CBX7: variants seen among roughly 807,000 people sequenced by gnomAD.
CBX7 encodes the protein chromobox protein homolog 7.
CBX7 carries 14 observed loss-of-function variants against 31.4 expected under a neutral mutation model. The observed-to-expected ratio is 0.45, with a 90% CI of 0.29 to 0.70. The LOEUF (loss-of-function observed/expected upper bound fraction) is 0.70. Ranked by LOEUF, CBX7 falls within the 30% of genes least tolerant of loss-of-function variation. CBX7 has a pLI of 0.11. For missense variants in CBX7, 269 were observed against 351.9 expected, an observed-to-expected ratio of 0.76 and a Z score of 1.89; for synonymous variants, 159 against 152.6, an observed-to-expected ratio of 1.04 and a Z score of -0.31.
intron 3 of CBX7, among the ~76,000 whole-genome samples, chr22:39,140,253 G>A (rs1031348991): frequency 2.6e-5 from 4 of 152,110 alleles, no homozygotes; most frequent in Non-Finnish European, 5.9e-5. Flanking sequence ...GGACACCAAC[G>A]GACCAAAGGG....
In CBX7 at chr22:39,152,458, C is replaced by G. The variant is rs1286020667; in HGVS notation, c.-14G>C. On this transcript the variant is annotated 5_prime_UTR_variant, in exon 1 of 6. Coordinates refer to ENST00000216133, the MANE Select transcript of CBX7 (RefSeq NM_175709.5). This position sits in a 1 kb window ranked among gnomAD's most constrained non-coding sequence, Gnocchi z 4.9. The stretch of plus-strand genomic sequence containing the variant: ...TGACAGCTCCATGCGGGGCGGCGGG[C>G]GAGCGGGCCCGGGGCCGGGCCGGGC... The G allele has an allele frequency of 4.3e-6, 5 of 1,152,040 alleles. No individual in the cohort carries two copies. The South Asian group carries it at 1.0e-4, about 23-fold the overall frequency. The allele number at this position is 1,152,040 out of a possible 1,614,324, so 71.4% of individuals were successfully genotyped here. A position where few individuals can be genotyped will look rare whatever the true frequency, so the allele number is the denominator to read the frequency against.
chr22:39,145,718 A>AGAGGGC (rs1930631568), intron 2 of CBX7, among the ~76,000 whole-genome samples: 1 of 136,094 alleles, frequency 7.3e-6, no homozygotes, highest in Non-Finnish European at 1.6e-5. Context: ...CGGCAAACCG[A>AGAGGGC]GGGGGCGGGG....
In CBX7 at chr22:39,131,527, T is replaced by G. The variant is rs1930038690; in HGVS notation, c.*2364A>C. The G allele has an allele frequency of 6.6e-6, 1 of 152,520 alleles. No individual in the cohort carries two copies. The allele number at this position is 152,520 out of a possible 1,614,324, so 9.4% of individuals were successfully genotyped here. ...CTTTTCCCCCAGGGAGCTGGCTCAC[T>G]ACAGCCCATGAGCCACCTGGCTGCC... On this transcript the variant is annotated 3_prime_UTR_variant, in exon 6 of 6. Transcript: ENST00000216133.
rs1050684682 is a variant in CBX7, at chr22:39,152,529, G to T, written c.-85C>A. The T allele has an allele frequency of 1.6e-5, 9 of 559,260 alleles. No individual in the cohort carries two copies. The highest frequency in any genetic ancestry group is 2.0e-5 in the Non-Finnish European group (9 of 441,446). The allele number at this position is 559,260 out of a possible 1,614,324, so 34.6% of individuals were successfully genotyped here. A position where few individuals can be genotyped will look rare whatever the true frequency, so the allele number is the denominator to read the frequency against. On this transcript the variant is annotated 5_prime_UTR_variant, in exon 1 of 6. Transcript: ENST00000216133. This position sits in a 1 kb window ranked among gnomAD's most constrained non-coding sequence, Gnocchi z 4.9. The stretch of plus-strand genomic sequence containing the variant: ...CGCGGCTGCGGCGCGCGATGCTGGG[G>T]CTGGCGGGGTCCCCGTCACCCTCGT...
Position 39,131,840 on chromosome 22 carries a change from C to G in CBX7, c.*2051G>C, listed in dbSNP as rs936430591. 6.6e-6 allele frequency: 1 copy of G among 152,258 alleles called. No individual in the cohort carries two copies. Among genetic ancestry groups the G allele is most frequent in the Admixed American group, 6.5e-5 (1 of 15,278 alleles). 9.4% of individuals were successfully genotyped at this position (152,258 alleles called of 1,614,324 possible). ...TCTGCTGGAAGCTGCCAGCCATGTT[C>G]CAAAGTCATGGGCCAAAACATTCAA... On this transcript the variant is annotated 3_prime_UTR_variant, in exon 6 of 6. Coordinates refer to ENST00000216133, the MANE Select transcript of CBX7 (RefSeq NM_175709.5).
intron 2 of CBX7, among the ~76,000 whole-genome samples, chr22:39,145,165 C>G (rs1333972721): frequency 6.6e-6 from 1 of 152,192 alleles, no homozygotes; most frequent in Non-Finnish European, 1.5e-5. Context: ...GCCCGGGCAG[C>G]TGGGTCTGAG....
Position 39,136,820 on chromosome 22 carries a change from G to A in CBX7, c.246+1816C>T, listed in dbSNP as rs145571256. ...AGTATATTCATCTGTGAGGCACACT[G>A]GGCAGACAGCCTGGCACACAGACGT... On this transcript the variant is annotated intron_variant, in intron 4 of 5. Transcript: ENST00000216133. The A allele has an allele frequency of 2.4e-3, 362 of 152,398 alleles. 1 individual carries two copies. Among genetic ancestry groups the A allele is most frequent in the Non-Finnish European group, 4.1e-3 (279 of 68,070 alleles). The allele number at this position is 152,398 out of a possible 1,614,324, so 9.4% of individuals were successfully genotyped here.
In CBX7 at chr22:39,145,304, T is replaced by G. The variant is rs1326663729; in HGVS notation, c.114-3868A>C. On this transcript the variant is annotated intron_variant, in intron 2 of 5. Transcript: ENST00000216133. ...CCGCACCGCGCCGCGCCCTCCGCAG[T>G]GCAGGAGCCCAGAGGCGCCAAGGGG... Among the ~76,000 whole-genome samples, 5 of 152,114 alleles carry G rather than the reference T, an allele frequency of 3.3e-5. No individual in the cohort carries two copies. The South Asian group carries it at 1.0e-3, about 32-fold the overall frequency.
chr22:39,141,176 C>T (rs1930441874), intron 3 of CBX7, 195 bp downstream of exon 3: 1 of 541,598 alleles, frequency 1.8e-6, no homozygotes, highest in Non-Finnish European at 3.3e-6. Flanking sequence ...CACCCAACAA[C>T]AGGAAAGGGC....
Position 39,149,769 on chromosome 22 carries a change from A to T in CBX7, c.113+20T>A. 1 of 1,612,724 alleles carries T rather than the reference A, an allele frequency of 6.2e-7. No homozygotes were observed. The highest frequency in any genetic ancestry group is 1.6e-4 in the Middle Eastern group (1 of 6,062). ...GGTCGGTAGGCAGACAGACAGACAC[A>T]CACACATGAAGGAGCTTACTTTGGG... On this transcript the variant is annotated intron_variant, in intron 2 of 5. Coordinates refer to ENST00000216133, the MANE Select transcript of CBX7 (RefSeq NM_175709.5).
At position 39,152,363 on chromosome 22, in the gene CBX7, C is replaced by G; in HGVS notation, c.69+13G>C. The G allele has an allele frequency of 7.2e-7, 1 of 1,384,278 alleles. No individual in the cohort carries two copies. Among genetic ancestry groups the G allele is most frequent in the South Asian group, 1.6e-5 (1 of 64,098 alleles). 85.7% of individuals were successfully genotyped at this position (1,384,278 alleles called of 1,614,324 possible). On this transcript the variant is annotated intron_variant, in intron 1 of 5. Transcript: ENST00000216133. This position sits in a 1 kb window ranked among gnomAD's most constrained non-coding sequence, Gnocchi z 4.9. ...CCACTGGGGTCCTGGGAGCCGCCCC[C>G]GGGCAGCCTCACCTTCCGCACGCGC... is the stretch of plus-strand genomic sequence containing the variant.
chr22:39,134,821 G>T, intron 4 of CBX7, 69 bp from the exon 5 acceptor site: 1 of 977,318 alleles, frequency 1.0e-6, no homozygotes, highest in Non-Finnish European at 1.4e-6. Flanking sequence ...TGCTCATGCT[G>T]TTCCTCCCAC....
chr22:39,152,310 G>A lies in CBX7; in HGVS notation c.69+66C>T, dbSNP rs988392966. On this transcript the variant is annotated intron_variant, in intron 1 of 5. Transcript: ENST00000216133. This position sits in a 1 kb window ranked among gnomAD's most constrained non-coding sequence, Gnocchi z 4.9. ...CTTTCCCCTTCAGCCCCAGCGTGGAGGGAGCGGTGCTGGGGACGGGAGGGA... is the reference window on the plus strand; with the variant it reads ...CTTTCCCCTTCAGCCCCAGCGTGGAAGGAGCGGTGCTGGGGACGGGAGGGA... 2 of 1,079,018 alleles carry A rather than the reference G, an allele frequency of 1.9e-6. No individual in the cohort carries two copies. Among genetic ancestry groups the A allele is most frequent in the African/African-American group, 1.7e-5 (1 of 60,020 alleles). 66.8% of individuals were successfully genotyped at this position (1,079,018 alleles called of 1,614,324 possible).
intron 4 of CBX7, among the ~76,000 whole-genome samples, chr22:39,138,109 A>C (rs943197339): frequency 3.6e-5 from 5 of 139,532 alleles, no homozygotes; most frequent in African/African-American, 1.4e-4. Context: ...TGAACCCGGG[A>C]GGTGGAGCTT....
At chr22:39,150,249 T>A (rs1330083226) in intron 1 of CBX7, among the ~76,000 whole-genome samples, 1 of 152,142 alleles carries the variant, frequency 6.6e-6, no homozygotes, top group African/African-American at 2.4e-5. Flanking sequence ...TACGAAAACA[T>A]TCCTCTCTGG....
chr22:39,138,471 T>C (rs1023115625), intron 4 of CBX7, among the ~76,000 whole-genome samples, 165 bp downstream of exon 4: 5 of 151,960 alleles, frequency 3.3e-5, no homozygotes, highest in African/African-American at 1.2e-4. Context: ...TTTTCCCAAT[T>C]CCTCCCATCA....
chr22:39,152,432 C>A lies in CBX7; in HGVS notation c.13G>T (p.Ala5Ser). Reference protein sequence around the residue: MELSAIGEQVFAVES... With the variant: MELSSIGEQVFAVES... Reference sequence around the variant, plus strand: ...ACGGCGAACACCTGCTCGCCGATGGCTGACAGCTCCATGCGGGGCGGCGGG... The same window carrying A: ...ACGGCGAACACCTGCTCGCCGATGGATGACAGCTCCATGCGGGGCGGCGGG... The change falls in exon 1 of 6, where the codon GCC becomes TCC. Residue 5 changes from alanine to serine, a missense_variant. Ala to Ser is a moderately conservative substitution (Grantham distance 99). Transcript: ENST00000216133. This position sits in a 1 kb window ranked among gnomAD's most constrained non-coding sequence, Gnocchi z 4.9. 7.7e-7 allele frequency: 1 copy of A among 1,295,994 alleles called. No individual in the cohort carries two copies. The highest frequency in any genetic ancestry group is 9.9e-7 in the Non-Finnish European group (1 of 1,011,298). The allele number at this position is 1,295,994 out of a possible 1,614,324, so 80.3% of individuals were successfully genotyped here.
chr22:39,151,700 A>G (rs1930860008), intron 1 of CBX7, among the ~76,000 whole-genome samples: 1 of 152,194 alleles, frequency 6.6e-6, no homozygotes, highest in African/African-American at 2.4e-5. Flanking sequence ...GTCTAGCCCC[A>G]AAGTGTGGGG....
rs1473478232 is a variant in CBX7 at position 39,152,162 on chromosome 22, C to A, written c.69+214G>T. Among the ~76,000 whole-genome samples the A allele has an allele frequency of 3.9e-5, 6 of 152,084 alleles. No individual in the cohort carries two copies. Among genetic ancestry groups the A allele is most frequent in the African/African-American group, 1.4e-4 (6 of 41,416 alleles). On this transcript the variant is annotated intron_variant, in intron 1 of 5. Coordinates refer to ENST00000216133, the MANE Select transcript of CBX7 (RefSeq NM_175709.5). The surrounding 1 kb of genome is among the most constrained non-coding windows in gnomAD (Gnocchi z 4.9). ...AATCTCCAGCTCAGGCAGGCTCGGCCGCCACTAGCATCCTGGAGCGACAAC... is the reference window on the plus strand; with the variant it reads ...AATCTCCAGCTCAGGCAGGCTCGGCAGCCACTAGCATCCTGGAGCGACAAC...
Sources: gnomAD v4.1 joint callset for allele counts (sites outside exome capture counted in the v4.1 genomes callset) on GRCh38, gnomAD v4.1.1 for gene constraint, Gnocchi (gnomAD v3.1) non-coding constraint, MANE v1.5 for transcripts, NCBI Gene and HGNC (gene_info 2026-07-23, HGNC 2026-07-21) for gene names.